Variants in RGS6 observed in about 807,000 individuals in gnomAD.
The protein encoded by RGS6 is regulator of G protein signaling 6.
RGS6 carries 30 observed loss-of-function variants against 78.5 expected under a neutral mutation model. The observed-to-expected ratio is 0.38, with a 90% CI of 0.29 to 0.52. The LOEUF is 0.52. Ranked by LOEUF, RGS6 falls within the 20% of genes least tolerant of loss-of-function variation. The pLI is 0.85. For synonymous variants in RGS6, 206 were observed against 206.0 expected, an observed-to-expected ratio of 1.00 and a Z score of 0.00; for missense variants, 495 against 609.7, an observed-to-expected ratio of 0.81 and a Z score of 1.98.
chr14:72,534,070 G>C (rs2097214798), intron 15 of RGS6, among the ~76,000 whole-genome samples: 3 of 152,216 alleles, frequency 2.0e-5, no homozygotes, highest in Admixed American at 2.0e-4. Context: ...GAAAGGAAGA[G>C]TCAATTGATG....
the RGS6 span, among the ~76,000 whole-genome samples, chr14:71,868,644 C>G: frequency 6.6e-6 from 1 of 152,090 alleles, no homozygotes; most frequent in Admixed American, 6.5e-5. Flanking sequence ...GTGTTAAATA[C>G]CTTTAGTGAA....
intron 16 of RGS6, among the ~76,000 whole-genome samples, chr14:72,539,755 G>C (rs2097296711): frequency 1.3e-5 from 2 of 152,192 alleles, no homozygotes; most frequent in Admixed American, 6.5e-5. Context: ...TGATGGTTCT[G>C]ATCCAAGCCC....
intron 2 of RGS6, among the ~76,000 whole-genome samples, chr14:72,276,846 G>GAAGAGACTAATT (rs2060755161): frequency 6.6e-6 from 1 of 151,266 alleles, no homozygotes; most frequent in Non-Finnish European, 1.5e-5. Context: ...TTAGCAACAT[G>GAAGAGACTAATT]AGAAGAGACT....
chr14:72,486,681 C>A (rs554930803), intron 12 of RGS6, among the ~76,000 whole-genome samples: 1 of 152,240 alleles, frequency 6.6e-6, no homozygotes, highest in East Asian at 1.9e-4. Flanking sequence ...AGGCACAAAC[C>A]CAAAAGCCTT....
chr14:71,950,601 A>G (rs1304326339), intron 1 of RGS6, among the ~76,000 whole-genome samples: 1 of 152,236 alleles, frequency 6.6e-6, no homozygotes, highest in Non-Finnish European at 1.5e-5. Flanking sequence ...TCTGCATAGC[A>G]AAAGAAACTA....
chr14:72,340,203 A>G (rs1261900416), intron 2 of RGS6, among the ~76,000 whole-genome samples: 1 of 152,144 alleles, frequency 6.6e-6, no homozygotes, highest in Non-Finnish European at 1.5e-5. Context: ...AGTTCTCTAC[A>G]CTACAATTTA....
chr14:72,316,234 T>G (rs2070167862), intron 2 of RGS6, among the ~76,000 whole-genome samples: 1 of 151,956 alleles, frequency 6.6e-6, no homozygotes, highest in South Asian at 2.1e-4. Flanking sequence ...GTCTTTTTAT[T>G]TTTTTTATTT....
At chr14:72,175,901 C>A (rs1279115471) in intron 2 of RGS6, among the ~76,000 whole-genome samples, 1 of 152,156 alleles carries the variant, frequency 6.6e-6, no homozygotes, top group Admixed American at 6.5e-5. Flanking sequence ...CCACTCTCAG[C>A]CCATGTGGCT....
chr14:72,221,624 A>G (rs2153792207), intron 2 of RGS6, among the ~76,000 whole-genome samples: 1 of 152,270 alleles, frequency 6.6e-6, no homozygotes, highest in Middle Eastern at 3.4e-3. Flanking sequence ...TTCTGTAATT[A>G]ATGGAAGGGA....
chr14:71,913,173 A>G, the RGS6 span, among the ~76,000 whole-genome samples: 26 of 152,270 alleles, frequency 1.7e-4, 1 homozygote, highest in Middle Eastern at 6.8e-3. Flanking sequence ...CTTCATTTTA[A>G]TGCTAAAACC....
At chr14:72,383,177 CAT>C (rs35175623) in intron 3 of RGS6, among the ~76,000 whole-genome samples, 842 of 70,984 alleles carry the variant, frequency 0.012, 19 homozygotes, top group Middle Eastern at 0.019. Context: ...AAAAATTGTA[CAT>C]ATATATATAT....
intron 6 of RGS6, among the ~76,000 whole-genome samples, chr14:72,462,821 A>G (rs1476704419): frequency 6.6e-6 from 1 of 152,160 alleles, no homozygotes; most frequent in African/African-American, 2.4e-5. Context: ...AGGGGCCTGT[A>G]CTTGATGGTT....
intron 3 of RGS6, among the ~76,000 whole-genome samples, chr14:72,375,964 AG>A (rs1338101845): frequency 6.6e-6 from 1 of 152,224 alleles, no homozygotes; most frequent in African/African-American, 2.4e-5. Flanking sequence ...AACATGAAAA[AG>A]CAAGGAAACA....
At chr14:72,193,711 C>T (rs1023790612) in intron 2 of RGS6, among the ~76,000 whole-genome samples, 1 of 152,160 alleles carries the variant, frequency 6.6e-6, no homozygotes, top group Non-Finnish European at 1.5e-5. Flanking sequence ...CAAGGAAAGC[C>T]TTGCAAACGA....
intron 3 of RGS6, among the ~76,000 whole-genome samples, chr14:72,362,142 G>A (rs952372548): frequency 1.2e-4 from 18 of 152,128 alleles, no homozygotes; most frequent in Non-Finnish European, 1.6e-4. Flanking sequence ...AGTCACAGAC[G>A]ATATAAAGAT....
At chr14:72,281,165 T>TTTTTG (rs1555611332) in intron 2 of RGS6, among the ~76,000 whole-genome samples, 3 of 146,470 alleles carry the variant, frequency 2.0e-5, no homozygotes, top group African/African-American at 7.8e-5. Flanking sequence ...TTTTTTTTTT[T>TTTTTG]GGAGACATAG....
intron 2 of RGS6, among the ~76,000 whole-genome samples, chr14:72,304,347 A>G (rs2066758024): frequency 6.6e-6 from 1 of 152,214 alleles, no homozygotes; most frequent in African/African-American, 2.4e-5. Context: ...AGTCCATATT[A>G]CCACATAGAG....
chr14:72,288,331 T>C lies in RGS6; in HGVS notation c.85-63764T>C, dbSNP rs546642219. Among the ~76,000 whole-genome samples the C allele has an allele frequency of 1.6e-4, 24 of 152,354 alleles. No individual in the cohort carries two copies. The South Asian group carries it at 5.0e-3, about 32-fold the overall frequency. On this transcript the variant is annotated intron_variant, in intron 2 of 17. Coordinates refer to ENST00000553525, the MANE Select transcript of RGS6 (RefSeq NM_001204424.2). ...TATCCTGGTGGAATGGCTTCTGGAATATCACCATAATACTGAAATTTACTC... is the reference window on the plus strand; with the variant it reads ...TATCCTGGTGGAATGGCTTCTGGAACATCACCATAATACTGAAATTTACTC...
chr14:72,212,247 C>T (rs2044358447), intron 2 of RGS6, among the ~76,000 whole-genome samples: 1 of 152,154 alleles, frequency 6.6e-6, no homozygotes. Flanking sequence ...AAGCACTGGG[C>T]AATGCTTTGG....
Sources: allele counts gnomAD v4.1 joint callset (sites outside exome capture counted in the v4.1 genomes callset), GRCh38; gene constraint gnomAD v4.1.1; transcripts MANE v1.5; gene names NCBI Gene and HGNC (gene_info 2026-07-23, HGNC 2026-07-21).